Variants in CLK2 observed in about 807,000 individuals in gnomAD.
CLK2 encodes the protein dual specificity protein kinase CLK2.
CLK2 carries 12 observed loss-of-function variants against 73.5 expected under a neutral mutation model. The observed-to-expected ratio is 0.16, with a 90% CI of 0.10 to 0.26. The LOEUF (loss-of-function observed/expected upper bound fraction) is 0.26, where lower values mean the gene tolerates loss of function less well. Ranked by LOEUF, CLK2 falls within the 10% of genes least tolerant of loss-of-function variation. The probability of loss-of-function intolerance (pLI) is 1.00; values close to 1 mark genes in which losing one functional copy is unlikely to be tolerated. For missense variants in CLK2, 509 were observed against 688.4 expected (o/e 0.74, Z 2.92); for synonymous variants, 232 against 237.9 (o/e 0.98, Z 0.23).
chr1:155,263,236 A>C lies in CLK2; in HGVS notation c.1482T>G (p.Ser494Arg). ...CTGATCGTCACCGACTGATATCCCGACTGGAGTCCCACAACTTGTTGGGCG... is the reference window on the plus strand; with the variant it reads ...CTGATCGTCACCGACTGATATCCCGCCTGGAGTCCCACAACTTGTTGGGCG... ...AEPPNKLWDS[S>R]RDISR Residue 494 changes from serine (S) to arginine (R), a missense_variant, in exon 13 of 13, where the codon AGT (serine) becomes AGG (arginine). Physicochemically the swap from Ser to Arg is moderately radical, Grantham distance 110 (BLOSUM62 -1). Transcript: ENST00000368361. The C allele has an allele frequency of 6.2e-7, 1 of 1,613,728 alleles. No individual in the cohort carries two copies. Among genetic ancestry groups the C allele is most frequent in the Non-Finnish European group, 8.5e-7 (1 of 1,179,960 alleles).
chr1:155,265,986 G>A, intron 7 of CLK2, 32 bp from the exon 8 acceptor site: 1 of 1,495,922 alleles, frequency 6.7e-7, no homozygotes, highest in Non-Finnish European at 9.3e-7. Context: ...CAGGCTTGGT[G>A]CAGGTGGCCA....
intron 6 of CLK2, among the ~76,000 whole-genome samples, chr1:155,267,141 C>A (rs1220556238): frequency 2.6e-5 from 4 of 152,292 alleles, no homozygotes; most frequent in Non-Finnish European, 4.4e-5. Flanking sequence ...GTCACCCAGG[C>A]TGGAGTGCAG....
rs766037877 is a variant in CLK2, at chr1:155,268,377, A to G, written c.488-18T>C. On this transcript the variant is annotated intron_variant, in intron 4 of 12. Transcript: ENST00000368361. This position sits in a 1 kb window ranked among gnomAD's most constrained non-coding sequence, Gnocchi z 5.6. ...GATTTCATCTGAAATGAAAGAGAGC[A>G]GGGTCGGGGAGAGGGAGGGAGAGAA... 6.2e-7 allele frequency: 1 copy of G among 1,611,298 alleles called. No individual in the cohort carries two copies.
Position 155,268,428 on chromosome 1 carries a change from A to C in CLK2, c.488-69T>G. The C allele has an allele frequency of 5.3e-6, 7 of 1,317,814 alleles. No homozygotes were observed. Among genetic ancestry groups the C allele is most frequent in the Non-Finnish European group, 7.7e-6 (7 of 914,348 alleles). The allele number at this position is 1,317,814 out of a possible 1,614,324, so 81.6% of individuals were successfully genotyped here. On this transcript the variant is annotated intron_variant, in intron 4 of 12. Coordinates refer to ENST00000368361, the MANE Select transcript of CLK2 (RefSeq NM_001294338.2). This position sits in a 1 kb window ranked among gnomAD's most constrained non-coding sequence, Gnocchi z 5.6. ...GGTGGGGAATGAGCTGAGTTGGAAG[A>C]AAAAAGGGGACAGCAACCTGGGGTG...
rs1224545508 is a variant in CLK2, at chr1:155,267,942, G to C, written c.671+68C>G. ...GGACTCCCCTGTCTGCCTAAACCAG[G>C]TCTAGAAGTCTCTCCCGTGTAGGGG... On this transcript the variant is annotated intron_variant, in intron 6 of 12. Transcript: ENST00000368361. 4.7e-6 allele frequency: 5 copies of C among 1,065,280 alleles called. No homozygotes were observed. The African/African-American group carries it at 6.2e-5, about 13-fold the overall frequency. 66.0% of individuals were successfully genotyped at this position (1,065,280 alleles called of 1,614,324 possible).
At chr1:155,269,894 G>T (rs1483122539) in intron 2 of CLK2, among the ~76,000 whole-genome samples, 178 bp from the exon 3 acceptor site, 1 of 152,178 alleles carries the variant, frequency 6.6e-6, no homozygotes, top group East Asian at 1.9e-4. Flanking sequence ...AAGCACATCT[G>T]CCATGTCACC....
Position 155,266,017 on chromosome 1 carries a change from ACCCCAGGC to A in CLK2, c.839-71_839-64del, listed in dbSNP as rs1382304598. The A allele has an allele frequency of 3.5e-6, 4 of 1,140,718 alleles. No individual in the cohort carries two copies. In the Admixed American group the frequency reaches 6.7e-5, roughly 19 times the overall value. 70.7% of individuals were successfully genotyped at this position (1,140,718 alleles called of 1,614,324 possible). ...GGCCAGAGCTAACTGGTATCAGCTG[ACCCCAGGC>A]CTGGTTACCTAGGGCAAAGCCAGTG... On this transcript the variant is annotated intron_variant, in intron 7 of 12. Coordinates refer to ENST00000368361, the MANE Select transcript of CLK2 (RefSeq NM_001294338.2).
At chr1:155,266,019 C>T (rs1002866286) in intron 7 of CLK2, 65 bp from the exon 8 acceptor site, 18 of 1,127,640 alleles carry the variant, frequency 1.6e-5, no homozygotes, top group Middle Eastern at 1.9e-4. Context: ...ATCAGCTGAC[C>T]CCAGGCCTGG....
At chr1:155,266,946 C>G in intron 6 of CLK2, 51 bp from the exon 7 acceptor site, 1 of 1,586,090 alleles carries the variant, frequency 6.3e-7, no homozygotes. Flanking sequence ...TCCCATCTGC[C>G]CATCAGCCAT....
At chr1:155,272,670 C>T (rs761006064) in intron 1 of CLK2, among the ~76,000 whole-genome samples, 3 of 152,084 alleles carry the variant, frequency 2.0e-5, no homozygotes, top group Non-Finnish European at 2.9e-5. Context: ...GCTGCAAGCA[C>T]AAGATTTTCC....
At chr1:155,266,919 G>T in intron 6 of CLK2, 24 bp from the exon 7 acceptor site, 1 of 1,611,226 alleles carries the variant, frequency 6.2e-7, no homozygotes, top group Non-Finnish European at 8.5e-7. Context: ...TGGGGGAAGG[G>T]GGGTTGTCTG....
chr1:155,269,086 A>G, intron 3 of CLK2: 2 of 585,888 alleles, frequency 3.4e-6, no homozygotes, highest in Non-Finnish European at 6.1e-6. Context: ...CATGCTCTAC[A>G]CAATGCCCTT....
At position 155,268,116 on chromosome 1, in the gene CLK2, G is replaced by C; in HGVS notation, c.565C>G (p.Arg189Gly). The C allele has an allele frequency of 6.2e-7, 1 of 1,613,914 alleles. No homozygotes were observed. The highest frequency in any genetic ancestry group is 8.5e-7 in the Non-Finnish European group (1 of 1,179,850). The change falls in exon 6 of 13, where the codon CGA becomes GGA. Residue 189 changes from arginine (R) to glycine (G), a missense_variant. This residue lies in a region of CLK2 where 76 missense variants were observed against 126.4 expected (regional missense o/e 0.60). Transcript: ENST00000368361. This position sits in a 1 kb window ranked among gnomAD's most constrained non-coding sequence, Gnocchi z 5.6. ...TTCTTAATGATCTTCAGGGCAACTC[G>C]AGCCCCACCCCTGTAAGTTGGCAGG... ...QCVDHRRGGA[R>G]VALKIIKNVE... is the part of the protein sequence containing the mutation.
intron 3 of CLK2, 125 bp downstream of exon 3, chr1:155,269,363 A>G: frequency 1.2e-6 from 1 of 835,792 alleles, no homozygotes. Context: ...AAGTAGGCAA[A>G]CTCAGTGCCC....
At position 155,268,394 on chromosome 1, in the gene CLK2, G is replaced by C. The variant is rs774392885; in HGVS notation, c.488-35C>G. Reference sequence around the variant, plus strand: ...AAGAGAGCAGGGTCGGGGAGAGGGAGGGAGAGAAGGTGGGGAATGAGCTGA... The same window carrying C: ...AAGAGAGCAGGGTCGGGGAGAGGGACGGAGAGAAGGTGGGGAATGAGCTGA... On this transcript the variant is annotated intron_variant, in intron 4 of 12. Transcript: ENST00000368361. This position sits in a 1 kb window ranked among gnomAD's most constrained non-coding sequence, Gnocchi z 5.6. 1 of 1,585,482 alleles carries C rather than the reference G, an allele frequency of 6.3e-7. No individual in the cohort carries two copies. Among genetic ancestry groups the C allele is most frequent in the East Asian group, 2.2e-5 (1 of 44,644 alleles).
rs769193580 is a variant in CLK2, at chr1:155,264,003, C to T, written c.1264G>A (p.Asp422Asn). The T allele has an allele frequency of 2.5e-6, 4 of 1,613,986 alleles. No individual in the cohort carries two copies. The East Asian group carries it at 8.9e-5, about 36-fold the overall frequency. Reference protein sequence around the residue: ...KYFYRGRLDWDENTSAGRYVR... With the variant: ...KYFYRGRLDWNENTSAGRYVR... ...TAGCGCCCAGCTGATGTGTTCTCATCCCAATCCAGGCGACCCCGGTAAAAA... is the reference window on the plus strand; with the variant it reads ...TAGCGCCCAGCTGATGTGTTCTCATTCCAATCCAGGCGACCCCGGTAAAAA... Residue 422 changes from aspartate (D) to asparagine (N), a missense_variant, in exon 12 of 13, where the codon GAT becomes AAT. Physicochemically the swap from Asp to Asn is conservative, Grantham distance 23 (BLOSUM62 1). Around this residue, in one of 6 missense-constraint regions of CLK2, gnomAD observed 134 missense variants for 146.0 expected, o/e 0.92. Coordinates refer to ENST00000368361, the MANE Select transcript of CLK2 (RefSeq NM_001294338.2).
In CLK2 at chr1:155,268,839, C is replaced by CGG; in HGVS notation, c.400-46_400-45dup. ...GGTCGGAGCAAGCCAGGTGTCGGAG[C>CGG]GGGGGCCGGAGGGAGGCGGGGTGGG... On this transcript the variant is annotated intron_variant, in intron 3 of 12. Transcript: ENST00000368361. The surrounding 1 kb of genome is among the most constrained non-coding windows in gnomAD (Gnocchi z 5.6). 1 of 260,172 alleles carries CGG rather than the reference C, an allele frequency of 3.8e-6. No individual in the cohort carries two copies. Among genetic ancestry groups the CGG allele is most frequent in the Non-Finnish European group, 6.7e-6 (1 of 148,718 alleles). 16.1% of individuals were successfully genotyped at this position (260,172 alleles called of 1,614,324 possible).
At position 155,264,478 on chromosome 1, in the gene CLK2, G is replaced by A. The variant is rs1156729216; in HGVS notation, c.1136C>T (p.Thr379Ile). Residue 379 changes from threonine to isoleucine, a missense_variant, in exon 10 of 13, where the codon ACC becomes ATC. Coordinates refer to ENST00000368361, the MANE Select transcript of CLK2 (RefSeq NM_001294338.2). Reference protein sequence around the residue: ...CIIFEYYVGFTLFQTHDNREH... With the variant: ...CIIFEYYVGFILFQTHDNREH... ...CATCCCATCACTTACCTGGAAGAGG[G>A]TGAATCCCACATAGTATTCAAAGAT... is the stretch of plus-strand genomic sequence containing the variant. The A allele has an allele frequency of 6.2e-7, 1 of 1,613,920 alleles. No homozygotes were observed. The highest frequency in any genetic ancestry group is 8.5e-7 in the Non-Finnish European group (1 of 1,179,798).
At chr1:155,263,770 C>T (rs1673096856) in intron 12 of CLK2, 180 bp downstream of exon 12, 1 of 949,552 alleles carries the variant, frequency 1.1e-6, no homozygotes, top group Middle Eastern at 5.3e-4. Flanking sequence ...GTCTAACCTC[C>T]TTCCCTCCAC....
Sources: gnomAD v4.1 joint callset for allele counts (sites outside exome capture counted in the v4.1 genomes callset) on GRCh38, gnomAD v4.1.1 for gene constraint, gnomAD v4.1.1 regional missense constraint, Gnocchi (gnomAD v3.1) non-coding constraint, MANE v1.5 for transcripts, NCBI Gene and HGNC (gene_info 2026-07-23, HGNC 2026-07-21) for gene names.